Variants in ALDH1A1 observed in about 807,000 individuals in gnomAD.
ALDH1A1 encodes the protein aldehyde dehydrogenase 1A1.
ALDH1A1 carries 19 observed loss-of-function variants against 62.1 expected under a neutral mutation model. The observed-to-expected ratio is 0.31, with a 90% CI of 0.21 to 0.45. ALDH1A1 has a LOEUF of 0.45. ALDH1A1 is among the 20% of genes least tolerant of loss of function. The pLI is 1.00. For missense variants in ALDH1A1, 521 were observed against 607.1 expected, an observed-to-expected ratio of 0.86 and a Z score of 1.49; for synonymous variants, 231 against 215.9, an observed-to-expected ratio of 1.07 and a Z score of -0.61.
At chr9:72,918,860 C>T (rs1830097974) in intron 7 of ALDH1A1, 38 bp from the exon 8 acceptor site, 3 of 1,443,826 alleles carry the variant, frequency 2.1e-6, no homozygotes, top group Non-Finnish European at 1.9e-6. Flanking sequence ...GCTTACCCTG[C>T]TCTCATGAAC....
chr9:72,927,244 G>A (rs1830223199), intron 4 of ALDH1A1, 67 bp from the exon 5 acceptor site: 1 of 1,205,104 alleles, frequency 8.3e-7, no homozygotes, highest in Middle Eastern at 2.0e-4. Context: ...ATGGTGGTTG[G>A]TGATGTGAGA....
At chr9:72,934,612 C>T (rs1425299882) in intron 2 of ALDH1A1, among the ~76,000 whole-genome samples, 1 of 152,122 alleles carries the variant, frequency 6.6e-6, no homozygotes, top group East Asian at 1.9e-4. Flanking sequence ...CCAGTATACT[C>T]CCTTACTTTC....
At chr9:72,928,869 A>G in intron 4 of ALDH1A1, 23 bp downstream of exon 4, 1 of 1,611,820 alleles carries the variant, frequency 6.2e-7, no homozygotes. Flanking sequence ...CCTCACCATT[A>G]GTGGTTTCTC....
intron 7 of ALDH1A1, among the ~76,000 whole-genome samples, chr9:72,921,517 T>TTTC (rs1204036822): frequency 2.0e-5 from 3 of 149,788 alleles, no homozygotes; most frequent in Admixed American, 6.6e-5. Flanking sequence ...TTTTTTTTTT[T>TTTC]TTTCATTTTT....
intron 2 of ALDH1A1, among the ~76,000 whole-genome samples, chr9:72,939,630 G>C (rs1268230031): frequency 6.7e-6 from 1 of 150,322 alleles, no homozygotes; most frequent in Non-Finnish European, 1.5e-5. Context: ...CAATTCTCCT[G>C]CCTCAGCCTC....
At chr9:72,925,651 A>C in intron 5 of ALDH1A1, 39 bp from the exon 6 acceptor site, 2 of 1,600,476 alleles carry the variant, frequency 1.2e-6, no homozygotes, top group Middle Eastern at 1.7e-4. Flanking sequence ...TTTGTATTGC[A>C]AAAGGCATAT....
intron 3 of ALDH1A1, among the ~76,000 whole-genome samples, chr9:72,930,099 T>A (rs1830261882): frequency 6.6e-6 from 1 of 152,222 alleles, no homozygotes; most frequent in Non-Finnish European, 1.5e-5. Flanking sequence ...ACTGCCACTT[T>A]CAGATTCTAA....
At chr9:72,926,144 C>T (rs1377650662) in intron 5 of ALDH1A1, among the ~76,000 whole-genome samples, 1 of 152,184 alleles carries the variant, frequency 6.6e-6, no homozygotes, top group East Asian at 1.9e-4. Context: ...CTCTCTGTAT[C>T]TGATTTCATA....
intron 1 of ALDH1A1, among the ~76,000 whole-genome samples, chr9:72,949,188 G>A (rs1415527797): frequency 6.6e-6 from 1 of 151,830 alleles, no homozygotes; most frequent in African/African-American, 2.4e-5. Flanking sequence ...TAGCCCAAAC[G>A]TCACATTTTC....
chr9:72,931,738 G>A (rs1830284479), intron 2 of ALDH1A1, among the ~76,000 whole-genome samples: 1 of 152,208 alleles, frequency 6.6e-6, no homozygotes, highest in Admixed American at 6.5e-5. Flanking sequence ...GGAACTAATA[G>A]AGTAGGATGT....
At chr9:72,919,401 G>T (rs533950747) in intron 7 of ALDH1A1, among the ~76,000 whole-genome samples, 1 of 152,166 alleles carries the variant, frequency 6.6e-6, no homozygotes, top group Admixed American at 6.5e-5. Context: ...AACCTGGACT[G>T]CCTTCAAGTT....
At chr9:72,918,322 G>A (rs1004821083) in intron 8 of ALDH1A1, among the ~76,000 whole-genome samples, 8 of 152,060 alleles carry the variant, frequency 5.3e-5, no homozygotes, top group Admixed American at 2.0e-4. Context: ...GAAGGGAGAG[G>A]GCAAATGTGA....
At chr9:72,907,887 A>G (rs1238287989) in intron 11 of ALDH1A1, among the ~76,000 whole-genome samples, 1 of 152,196 alleles carries the variant, frequency 6.6e-6, no homozygotes, top group Non-Finnish European at 1.5e-5. Flanking sequence ...AGCTATACCG[A>G]CTATTCAAGA....
At chr9:72,926,652 T>C (rs1388326963) in intron 5 of ALDH1A1, among the ~76,000 whole-genome samples, 1 of 152,218 alleles carries the variant, frequency 6.6e-6, no homozygotes, top group Non-Finnish European at 1.5e-5. Context: ...TTAAAAAATG[T>C]GTGTCATGAG....
At chr9:72,925,650 CA>C (rs1564632548) in intron 5 of ALDH1A1, 38 bp from the exon 6 acceptor site, 1 of 1,599,664 alleles carries the variant, frequency 6.3e-7, no homozygotes, top group Non-Finnish European at 8.5e-7. Context: ...CTTTGTATTG[CA>C]AAAGGCATAT....
intron 1 of ALDH1A1, among the ~76,000 whole-genome samples, chr9:72,942,748 T>C (rs571249313): frequency 1.3e-5 from 2 of 152,266 alleles, no homozygotes; most frequent in Non-Finnish European, 2.9e-5. Context: ...TGCAGCATGC[T>C]TTTATTCACA....
At chr9:72,903,669 G>T (rs190328633) in intron 12 of ALDH1A1, among the ~76,000 whole-genome samples, 5 of 149,660 alleles carry the variant, frequency 3.3e-5, no homozygotes. Context: ...CTATACTCAT[G>T]TTCTAGATTT....
At chr9:72,952,831 C>G (rs559216551) in intron 1 of ALDH1A1, 104 bp downstream of exon 1, 1 of 1,304,102 alleles carries the variant, frequency 7.7e-7, no homozygotes, top group African/African-American at 1.5e-5. Context: ...TTTATATTTG[C>G]AAAGGGCTCT....
At chr9:72,938,990 G>T (rs930454654) in intron 2 of ALDH1A1, among the ~76,000 whole-genome samples, 1 of 152,022 alleles carries the variant, frequency 6.6e-6, no homozygotes, top group African/African-American at 2.4e-5. Context: ...TCATCTGCCC[G>T]CCTCGGCCTC....
Sources: gnomAD v4.1 joint callset for allele counts (sites outside exome capture counted in the v4.1 genomes callset) on GRCh38, gnomAD v4.1.1 for gene constraint, MANE v1.5 for transcripts, NCBI Gene and HGNC (gene_info 2026-07-23, HGNC 2026-07-21) for gene names.